Variants in SPECC1 observed in about 807,000 individuals in gnomAD.
SPECC1 encodes the protein cytospin-B.
SPECC1 carries 62 observed loss-of-function variants against 104.1 expected under a neutral mutation model. The ratio of observed to expected loss-of-function variants is 0.60; its 90% CI spans 0.49 to 0.74. The LOEUF (loss-of-function observed/expected upper bound fraction) is 0.74, where lower values mean the gene tolerates loss of function less well. Among genes scored for constraint, SPECC1 ranks in the 30% least tolerant of loss-of-function variants. SPECC1 has a pLI of 0.00. For missense variants in SPECC1, 1,306 were observed against 1,310.5 expected, an observed-to-expected ratio of 1.00 and a Z score of 0.05; for synonymous variants, 513 against 501.6, an observed-to-expected ratio of 1.02 and a Z score of -0.30.
chr17:20,126,722 C>T (rs1211877215), intron 3 of SPECC1, among the ~76,000 whole-genome samples: 3 of 152,200 alleles, frequency 2.0e-5, no homozygotes, highest in Non-Finnish European at 4.4e-5. Context: ...GTGTTAAATG[C>T]TAGTGACATC....
At chr17:20,273,714 T>C (rs1377728825) in intron 12 of SPECC1, among the ~76,000 whole-genome samples, 1 of 152,158 alleles carries the variant, frequency 6.6e-6, no homozygotes, top group Non-Finnish European at 1.5e-5. Context: ...ATTTCCTGTG[T>C]CTTTGAGGGA....
At chr17:20,189,367 C>T (rs1050111045) in intron 3 of SPECC1, among the ~76,000 whole-genome samples, 14 of 152,160 alleles carry the variant, frequency 9.2e-5, no homozygotes, top group African/African-American at 1.7e-4. Flanking sequence ...AATTCTGGGA[C>T]GAAGCGCTCC....
chr17:20,034,157 G>A (rs2044954965), intron 1 of SPECC1, among the ~76,000 whole-genome samples: 1 of 151,810 alleles, frequency 6.6e-6, no homozygotes, highest in African/African-American at 2.4e-5. Context: ...GAGTGCAGTG[G>A]CACAATCTCG....
At chr17:20,095,082 T>C (rs893876185) in intron 1 of SPECC1, among the ~76,000 whole-genome samples, 1 of 152,220 alleles carries the variant, frequency 6.6e-6, no homozygotes, top group Admixed American at 6.5e-5. Flanking sequence ...TTCATTCATT[T>C]TATATTGGGA....
intron 1 of SPECC1, among the ~76,000 whole-genome samples, chr17:20,029,405 T>G (rs911776326): frequency 6.6e-6 from 1 of 152,234 alleles, no homozygotes; most frequent in Non-Finnish European, 1.5e-5. Flanking sequence ...GTTATCATAG[T>G]GTCTTAGTAG....
intron 3 of SPECC1, among the ~76,000 whole-genome samples, chr17:20,116,323 C>T (rs2048753861): frequency 6.6e-6 from 1 of 152,044 alleles, no homozygotes; most frequent in Non-Finnish European, 1.5e-5. Context: ...CTCCTGACCT[C>T]GTGATCCACC....
chr17:20,132,517 G>GT (rs1396065604), intron 3 of SPECC1, among the ~76,000 whole-genome samples: 1 of 140,856 alleles, frequency 7.1e-6, no homozygotes, highest in Non-Finnish European at 1.5e-5. Flanking sequence ...CTACTTAGAA[G>GT]TTTGTTTGTT....
At chr17:20,028,665 T>A (rs995281702) in intron 1 of SPECC1, among the ~76,000 whole-genome samples, 2 of 152,192 alleles carry the variant, frequency 1.3e-5, no homozygotes, top group African/African-American at 4.8e-5. Flanking sequence ...ATTTTGTTCG[T>A]GTTTTTCAAG....
At chr17:20,112,244 T>C (rs1046158900) in intron 3 of SPECC1, 3 of 763,344 alleles carry the variant, frequency 3.9e-6, no homozygotes, top group African/African-American at 3.4e-5. Flanking sequence ...TTGACCGAAG[T>C]CCTGAGTACT....
At chr17:20,106,507 T>C (rs2152518010) in intron 2 of SPECC1, among the ~76,000 whole-genome samples, 1 of 152,284 alleles carries the variant, frequency 6.6e-6, no homozygotes, top group East Asian at 1.9e-4. Context: ...CCAAAATTCA[T>C]GTTGAATTTT....
At chr17:20,214,803 C>T (rs572143237) in intron 4 of SPECC1, among the ~76,000 whole-genome samples, 6 of 152,192 alleles carry the variant, frequency 3.9e-5, no homozygotes, top group Non-Finnish European at 5.9e-5. Flanking sequence ...CCACTGCACC[C>T]GGCCTGGAAA....
intron 12 of SPECC1, among the ~76,000 whole-genome samples, chr17:20,269,717 G>A (rs1295069397): frequency 6.6e-5 from 10 of 152,228 alleles, no homozygotes; most frequent in Admixed American, 5.9e-4. Flanking sequence ...TGTTGCCAGG[G>A]GAATTAAACA....
At chr17:20,077,571 AT>A (rs2046808810) in intron 1 of SPECC1, among the ~76,000 whole-genome samples, 1 of 151,900 alleles carries the variant, frequency 6.6e-6, no homozygotes, top group Admixed American at 6.6e-5. Flanking sequence ...GGTTCAAGCG[AT>A]TCTCCTGCCT....
intron 11 of SPECC1, among the ~76,000 whole-genome samples, chr17:20,259,623 A>C (rs536362471): frequency 6.6e-6 from 1 of 152,076 alleles, no homozygotes; most frequent in African/African-American, 2.4e-5. Flanking sequence ...CTCCCTTCTC[A>C]GCCTCCTGAG....
intron 12 of SPECC1, among the ~76,000 whole-genome samples, chr17:20,292,633 C>A (rs557398913): frequency 1.3e-5 from 2 of 152,216 alleles, no homozygotes; most frequent in East Asian, 3.9e-4. Flanking sequence ...AAAGCATTTC[C>A]CCATTTCTAA....
At chr17:20,131,216 T>G (rs2049604930) in intron 3 of SPECC1, among the ~76,000 whole-genome samples, 1 of 152,166 alleles carries the variant, frequency 6.6e-6, no homozygotes, top group Non-Finnish European at 1.5e-5. Context: ...TTTTGAGTCG[T>G]TTTCTTCCTC....
intron 3 of SPECC1, among the ~76,000 whole-genome samples, chr17:20,136,499 A>G (rs1175489081): frequency 6.6e-6 from 1 of 150,666 alleles, no homozygotes; most frequent in Non-Finnish European, 1.5e-5. Flanking sequence ...AGTTTTATTC[A>G]TTTTTTTTGG....
At chr17:20,138,971 T>C (rs552656342) in intron 3 of SPECC1, among the ~76,000 whole-genome samples, 37 of 152,356 alleles carry the variant, frequency 2.4e-4, no homozygotes, top group Middle Eastern at 6.8e-3. Context: ...TTTTGACTAA[T>C]AGATGAAAGA....
At chr17:20,038,538 C>T (rs1335259375) in intron 1 of SPECC1, among the ~76,000 whole-genome samples, 8 of 151,638 alleles carry the variant, frequency 5.3e-5, no homozygotes, top group African/African-American at 1.9e-4. Flanking sequence ...TAGCTGGGAC[C>T]ACAGGCTCCC....
Sources: allele counts gnomAD v4.1 joint callset (sites outside exome capture counted in the v4.1 genomes callset), GRCh38; gene constraint gnomAD v4.1.1; transcripts MANE v1.5; gene names NCBI Gene and HGNC (gene_info 2026-07-23, HGNC 2026-07-21).